Variants in SAMD3 observed in about 807,000 individuals in gnomAD.
SAMD3 encodes sterile alpha motif domain-containing protein 3.
A neutral mutation model predicts 58.5 loss-of-function variants in SAMD3; 63 were observed. The ratio of observed to expected loss-of-function variants is 1.08; its 90% CI spans 0.88 to 1.33. The LOEUF (loss-of-function observed/expected upper bound fraction) is 1.33, where lower values mean the gene tolerates loss of function less well. Ranked by LOEUF, SAMD3 falls within the 40% of genes most tolerant of loss-of-function variation. The pLI, the probability that SAMD3 is intolerant of heterozygous loss-of-function variation, is 0.00. For missense variants in SAMD3, 604 were observed against 608.4 expected, an observed-to-expected ratio of 0.99 and a Z score of 0.08; for synonymous variants, 220 against 210.3, an observed-to-expected ratio of 1.05 and a Z score of -0.40.
chr6:130,215,057 A>C (rs558511083), intron 3 of SAMD3, 138 bp downstream of exon 3: 1 of 486,408 alleles, frequency 2.1e-6, no homozygotes, highest in Non-Finnish European at 3.7e-6. Flanking sequence ...AGAAATGAAA[A>C]GTTCTCTACT....
At chr6:130,195,542 T>A (rs1794019751) in intron 5 of SAMD3, among the ~76,000 whole-genome samples, 1 of 152,134 alleles carries the variant, frequency 6.6e-6, no homozygotes, top group South Asian at 2.1e-4. Flanking sequence ...TACTCTCCTA[T>A]CCTCAATACC....
At chr6:130,338,411 C>G (rs1382934066) in intron 1 of SAMD3, among the ~76,000 whole-genome samples, 1 of 152,170 alleles carries the variant, frequency 6.6e-6, no homozygotes, top group East Asian at 1.9e-4. Flanking sequence ...GGGTTGTAGC[C>G]CCCACACAGA....
intron 1 of SAMD3, among the ~76,000 whole-genome samples, chr6:130,325,638 T>G (rs1776732282): frequency 2.0e-5 from 3 of 152,224 alleles, no homozygotes; most frequent in African/African-American, 7.2e-5. Context: ...GAAATAATAC[T>G]TTACCAGCTA....
chr6:130,166,728 G>A (rs909701118), intron 8 of SAMD3, among the ~76,000 whole-genome samples: 3 of 152,194 alleles, frequency 2.0e-5, no homozygotes, highest in Admixed American at 2.0e-4. Context: ...GATCTAAAGA[G>A]GTAATTTTCT....
Position 130,222,857 on chromosome 6 carries a change from T to G in SAMD3, c.-231A>C, listed in dbSNP as rs1162565646. On this transcript the variant is annotated 5_prime_UTR_variant, in exon 1 of 12. Coordinates refer to ENST00000439090, the MANE Select transcript of SAMD3 (RefSeq NM_001017373.4). ...CACCTACAAATCTGGAATCTTGGTTTCTCTTGAAAAATCAAAAGTTCTGGT... is the reference window on the plus strand; with the variant it reads ...CACCTACAAATCTGGAATCTTGGTTGCTCTTGAAAAATCAAAAGTTCTGGT... 1 of 152,206 alleles carries G rather than the reference T, an allele frequency of 6.6e-6. No individual in the cohort carries two copies. The highest frequency in any genetic ancestry group is 1.5e-5 in the Non-Finnish European group (1 of 68,040). The allele number at this position is 152,206 out of a possible 1,614,324, so 9.4% of individuals were successfully genotyped here. A position where few individuals can be genotyped will look rare whatever the true frequency, so the allele number is the denominator to read the frequency against.
intron 1 of SAMD3, among the ~76,000 whole-genome samples, chr6:130,340,759 A>T (rs7753983): frequency 0.25 from 38,729 of 152,162 alleles, 7,000 homozygotes; most frequent in African/African-American, 0.51. Context: ...GATCATATTT[A>T]TGTTTATATC....
chr6:130,306,649 A>C (rs760596635), intron 2 of SAMD3, among the ~76,000 whole-genome samples: 2 of 152,186 alleles, frequency 1.3e-5, no homozygotes, highest in Admixed American at 6.5e-5. Flanking sequence ...GCCAGATGGC[A>C]AGGAGATTAT....
At chr6:130,223,855 A>G (rs559916446), upstream of SAMD3, among the ~76,000 whole-genome samples, 1 of 152,272 alleles carries the variant, frequency 6.6e-6, no homozygotes, top group Admixed American at 6.5e-5. Context: ...GCAGTCTTTC[A>G]GCTTAGCCAT....
At chr6:130,352,418 C>T (rs558898323) in intron 1 of SAMD3, among the ~76,000 whole-genome samples, 2 of 152,176 alleles carry the variant, frequency 1.3e-5, no homozygotes, top group African/African-American at 2.4e-5. Flanking sequence ...AACTTCTTCA[C>T]TTTACGACTT....
At chr6:130,341,158 A>AGAGG (rs10636816) in intron 1 of SAMD3, among the ~76,000 whole-genome samples, 68,589 of 150,306 alleles carry the variant, frequency 0.46, 18,473 homozygotes, top group African/African-American at 0.76. Flanking sequence ...AGGGAGGAAG[A>AGAGG]GAGGGAGGGA....
intron 5 of SAMD3, among the ~76,000 whole-genome samples, chr6:130,208,890 A>C (rs1795298072): frequency 6.6e-6 from 1 of 152,224 alleles, no homozygotes; most frequent in Admixed American, 6.5e-5. Flanking sequence ...CCGCTATTCT[A>C]GGGGATGCCG....
chr6:130,347,431 C>T (rs897748416), intron 1 of SAMD3, among the ~76,000 whole-genome samples: 4 of 152,120 alleles, frequency 2.6e-5, no homozygotes, highest in Non-Finnish European at 4.4e-5. Flanking sequence ...GTGATGAATG[C>T]ACAAGCCTCA....
chr6:130,180,948 TC>T (rs1792254708), intron 7 of SAMD3, among the ~76,000 whole-genome samples: 1 of 40,782 alleles, frequency 2.5e-5, no homozygotes, highest in Non-Finnish European at 7.2e-5. Flanking sequence ...TCTTTTTCTT[TC>T]TTTCTTTTTT....
chr6:130,334,415 A>G (rs1777039877), intron 1 of SAMD3, among the ~76,000 whole-genome samples: 1 of 152,220 alleles, frequency 6.6e-6, no homozygotes, highest in Admixed American at 6.5e-5. Flanking sequence ...TTTCCTGAAA[A>G]AAAGGTAGAT....
intron 2 of SAMD3, among the ~76,000 whole-genome samples, chr6:130,294,797 C>T (rs1775499967): frequency 1.3e-5 from 2 of 151,172 alleles, no homozygotes; most frequent in South Asian, 4.2e-4. Context: ...CAATTATAGT[C>T]CAATCTTGCA....
intron 2 of SAMD3, among the ~76,000 whole-genome samples, chr6:130,287,346 A>G (rs1342026673): frequency 6.6e-6 from 1 of 152,158 alleles, no homozygotes; most frequent in African/African-American, 2.4e-5. Flanking sequence ...TAGTCCCCAT[A>G]GTGCCTAGCA....
intron 5 of SAMD3, among the ~76,000 whole-genome samples, chr6:130,196,808 C>T (rs1420807046): frequency 3.9e-5 from 6 of 152,204 alleles, no homozygotes; most frequent in Non-Finnish European, 5.9e-5. Context: ...TCTAGGTAGA[C>T]ACTTTCACTG....
intron 1 of SAMD3, among the ~76,000 whole-genome samples, chr6:130,360,643 T>C (rs1200823384): frequency 1.3e-5 from 2 of 152,166 alleles, no homozygotes; most frequent in Non-Finnish European, 2.9e-5. Flanking sequence ...TCGGGCACCA[T>C]TGTCATTGAT....
At chr6:130,266,126 A>T (rs1774343247) in intron 2 of SAMD3, among the ~76,000 whole-genome samples, 1 of 152,212 alleles carries the variant, frequency 6.6e-6, no homozygotes, top group East Asian at 1.9e-4. Context: ...GATGGAGCTG[A>T]AATGGATCTT....
Sources: gnomAD v4.1 joint callset for allele counts (sites outside exome capture counted in the v4.1 genomes callset) on GRCh38, gnomAD v4.1.1 for gene constraint, MANE v1.5 for transcripts, NCBI Gene and HGNC (gene_info 2026-07-23, HGNC 2026-07-21) for gene names.